The following POLR2F variants were observed in gnomAD, a reference collection of about 807,000 sequenced individuals.
POLR2F encodes the protein DNA-directed RNA polymerases I, II, and III subunit RPABC2.
A neutral mutation model predicts 22.7 loss-of-function variants in POLR2F; 12 were observed. The ratio of observed to expected loss-of-function variants is 0.53; its 90% CI spans 0.34 to 0.86. The LOEUF (loss-of-function observed/expected upper bound fraction) is 0.86, where lower values mean the gene tolerates loss of function less well. Among genes scored for constraint, POLR2F ranks in the 40% least tolerant of loss-of-function variants. The pLI, the probability that POLR2F is intolerant of heterozygous loss-of-function variation, is 0.02. For missense variants in POLR2F, 126 were observed against 171.5 expected (o/e 0.73, Z 1.48); for synonymous variants, 57 against 66.0 (o/e 0.86, Z 0.66).
intron 1 of POLR2F, among the ~76,000 whole-genome samples, chr22:37,993,164 T>C (rs1932755014): frequency 6.6e-6 from 1 of 152,168 alleles, no homozygotes. Flanking sequence ...GTAAATATGG[T>C]CTGAGCAGGG....
intron 1 of POLR2F, among the ~76,000 whole-genome samples, chr22:38,018,439 T>C (rs531391104): frequency 1.3e-5 from 2 of 152,244 alleles, no homozygotes; most frequent in South Asian, 4.2e-4. Flanking sequence ...TCAAGGCTCA[T>C]AAGTGTCATT....
intron 3 of POLR2F, among the ~76,000 whole-genome samples, chr22:37,961,651 G>A (rs1465333859): frequency 1.3e-5 from 2 of 152,216 alleles, no homozygotes; most frequent in African/African-American, 4.8e-5. Flanking sequence ...CAGACTGGAA[G>A]CACCCTCTGC....
chr22:37,953,901 A>G, intron 1 of POLR2F, 94 bp downstream of exon 1: 1 of 1,431,120 alleles, frequency 7.0e-7, no homozygotes, highest in Non-Finnish European at 9.6e-7. Context: ...GTCTAGGGGC[A>G]ATGTCTGAGG....
chr22:37,988,476 C>A (rs1034440528), intron 1 of POLR2F: 12 of 151,522 alleles, frequency 7.9e-5, no homozygotes, highest in African/African-American at 2.4e-4. Context: ...CATGGTGAAA[C>A]CCCATGTCTA....
Position 37,956,756 on chromosome 22 carries a change from CTCT to C in POLR2F, c.21-11_21-9del. 2 of 1,606,132 alleles carry C rather than the reference CTCT, an allele frequency of 1.2e-6. No homozygotes were observed. The highest frequency in any genetic ancestry group is 1.7e-6 in the Non-Finnish European group (2 of 1,172,666). On this transcript the variant is annotated splice_polypyrimidine_tract_variant and intron_variant, in intron 1 of 4. Transcript: ENST00000442738. ...TTAAGTGATGCTCTAAGTAACTGAT[CTCT>C]TCTTCCTGTACAGTTTTGATGGCGA... is the stretch of plus-strand genomic sequence containing the variant.
chr22:37,954,652 G>A (rs1369355538), intron 1 of POLR2F, among the ~76,000 whole-genome samples: 2 of 152,206 alleles, frequency 1.3e-5, no homozygotes, highest in South Asian at 2.1e-4. Flanking sequence ...TAGGGTGGTA[G>A]GAGTAGAGGT....
intron 1 of POLR2F, among the ~76,000 whole-genome samples, chr22:37,998,729 G>T (rs1338857307): frequency 6.6e-6 from 1 of 152,142 alleles, no homozygotes; most frequent in African/African-American, 2.4e-5. Flanking sequence ...CGAGAGAAGA[G>T]AACAAGGGGC....
upstream of POLR2F, among the ~76,000 whole-genome samples, chr22:37,984,878 T>C (rs1358644050): frequency 6.6e-6 from 1 of 152,018 alleles, no homozygotes; most frequent in East Asian, 1.9e-4. This position sits in a 1 kb window ranked among gnomAD's most constrained non-coding sequence, Gnocchi z 4.4. Context: ...CTGCCTCAGG[T>C]GGCAGGATGG....
At chr22:37,981,167 G>A (rs888730976) in intron 4 of POLR2F, among the ~76,000 whole-genome samples, 2 of 152,158 alleles carry the variant, frequency 1.3e-5, no homozygotes, top group Non-Finnish European at 2.9e-5. Flanking sequence ...TCTCTTTTTG[G>A]TTTTAAGACA....
chr22:37,997,004 G>T lies in POLR2F; in HGVS notation c.120+10692G>T, dbSNP rs575921248. Among the ~76,000 whole-genome samples, 6 of 152,260 alleles carry T rather than the reference G, an allele frequency of 3.9e-5. No individual in the cohort carries two copies. The East Asian group carries it at 7.7e-4, about 20-fold the overall frequency. ...CCACTCCTGTGTCCTACTCGGGAAGGCAAGGGCTGCAGTGGCTGGCTGCAT... is the reference window on the plus strand; with the variant it reads ...CCACTCCTGTGTCCTACTCGGGAAGTCAAGGGCTGCAGTGGCTGGCTGCAT... On this transcript the variant is annotated intron_variant, in intron 1 of 2. Transcript: ENST00000333418. The surrounding 1 kb of genome is among the most constrained non-coding windows in gnomAD (Gnocchi z 4.4).
At chr22:38,037,069 G>C (rs2085123135) in intron 5 of POLR2F, among the ~76,000 whole-genome samples, 1 of 152,126 alleles carries the variant, frequency 6.6e-6, no homozygotes, top group African/African-American at 2.4e-5. Context: ...ATGTTAGCTT[G>C]TAGGTTTACT....
chr22:38,025,530 C>G, intron 1 of POLR2F: 1 of 1,432,204 alleles, frequency 7.0e-7, no homozygotes, highest in Non-Finnish European at 9.2e-7. Flanking sequence ...CCCTGATCGT[C>G]CCCCTCGTTT....
chr22:37,986,444 C>T lies in POLR2F; in HGVS notation c.120+132C>T. ...AGGGGTGGTTGTGGAAGGAAAGAGC[C>T]CAGAGTTAGGAGGTGGAATGTGGGG... On this transcript the variant is annotated intron_variant, in intron 1 of 2. Coordinates refer to the POLR2F transcript ENST00000333418. The surrounding 1 kb of genome is among the most constrained non-coding windows in gnomAD (Gnocchi z 4.7). 1 of 1,524,746 alleles carries T rather than the reference C, an allele frequency of 6.6e-7. No homozygotes were observed. The highest frequency in any genetic ancestry group is 8.8e-7 in the Non-Finnish European group (1 of 1,138,224). The allele number at this position is 1,524,746 out of a possible 1,614,324, so 94.5% of individuals were successfully genotyped here. A position where few individuals can be genotyped will look rare whatever the true frequency, so the allele number is the denominator to read the frequency against.
chr22:37,979,943 G>A (rs1053384939), intron 4 of POLR2F, among the ~76,000 whole-genome samples: 3 of 151,982 alleles, frequency 2.0e-5, no homozygotes, highest in African/African-American at 7.3e-5. Context: ...CCCCCAGTCA[G>A]CAGAAGGCCG....
rs770285284 is a variant in POLR2F, at chr22:37,953,715, G to T, written c.-73G>T. ...GCGCAAGATAAGCTAGGAGCCGCGC[G>T]AGTCGTAGTGTCGCTGTTTGCGGGT... On this transcript the variant is annotated 5_prime_UTR_variant, in exon 1 of 5. Transcript: ENST00000442738. The T allele has an allele frequency of 6.4e-7, 1 of 1,555,106 alleles. No homozygotes were observed. The highest frequency in any genetic ancestry group is 8.7e-7 in the Non-Finnish European group (1 of 1,149,272).
At chr22:37,956,098 G>C (rs1392268995) in intron 1 of POLR2F, among the ~76,000 whole-genome samples, 2 of 151,236 alleles carry the variant, frequency 1.3e-5, no homozygotes, top group African/African-American at 2.4e-5. Context: ...GGTGGCGGGG[G>C]GGGGTTTTGA....
At chr22:37,962,864 G>A (rs1931703737) in intron 3 of POLR2F, among the ~76,000 whole-genome samples, 1 of 150,038 alleles carries the variant, frequency 6.7e-6, no homozygotes, top group African/African-American at 2.5e-5. Flanking sequence ...CTAATTTTTT[G>A]TAGTTTTAGT....
In POLR2F at chr22:37,978,378, G is replaced by C. The variant is rs560625533; in HGVS notation, c.293+11208G>C. On this transcript the variant is annotated intron_variant, in intron 4 of 4. Transcript: ENST00000405557. The surrounding 1 kb of genome is among the most constrained non-coding windows in gnomAD (Gnocchi z 5.0). ...ATCTTTCATGGGCTGGAGGGTGAGA[G>C]AGGGGTCAGCCCGCTGCTCCTGGCA... Among the ~76,000 whole-genome samples the C allele has an allele frequency of 4.6e-5, 7 of 152,378 alleles. No individual in the cohort carries two copies. The highest frequency in any genetic ancestry group is 1.3e-4 in the Admixed American group (2 of 15,310).
chr22:38,034,912 C>CT (rs1447566427), intron 5 of POLR2F, among the ~76,000 whole-genome samples: 4 of 152,146 alleles, frequency 2.6e-5, no homozygotes, highest in Middle Eastern at 3.4e-3. Context: ...CGAGCTGGGG[C>CT]TTTCCAGGAT....
Sources: gnomAD v4.1 joint callset for allele counts (sites outside exome capture counted in the v4.1 genomes callset) on GRCh38, gnomAD v4.1.1 for gene constraint, Gnocchi (gnomAD v3.1) non-coding constraint, MANE v1.5 for transcripts, NCBI Gene and HGNC (gene_info 2026-07-23, HGNC 2026-07-21) for gene names.